Variants in TDRD5 observed in about 807,000 individuals in gnomAD.
TDRD5 encodes the protein tudor domain-containing protein 5.
Under a neutral mutation model 120.6 loss-of-function variants are expected in TDRD5, and 41 were observed. That is an observed-to-expected ratio of 0.34 (90% CI 0.26 to 0.44). The LOEUF is 0.44. TDRD5 is among the 20% of genes least tolerant of loss of function. The pLI, the probability that TDRD5 is intolerant of heterozygous loss-of-function variation, is 1.00. For missense variants in TDRD5, 1,006 were observed against 1,221.2 expected, an observed-to-expected ratio of 0.82 and a Z score of 2.63; for synonymous variants, 430 against 433.7, an observed-to-expected ratio of 0.99 and a Z score of 0.11.
chr1:179,669,994 T>C (rs755743947), intron 17 of TDRD5, among the ~76,000 whole-genome samples: 4 of 152,250 alleles, frequency 2.6e-5, no homozygotes, highest in Non-Finnish European at 4.4e-5. Flanking sequence ...TACCAGTTAA[T>C]GGACACCTAT....
intron 17 of TDRD5, among the ~76,000 whole-genome samples, chr1:179,682,463 C>T (rs1242126239): frequency 6.6e-6 from 1 of 152,080 alleles, no homozygotes; most frequent in African/African-American, 2.4e-5. Flanking sequence ...TTATTGTTTA[C>T]CTCCCACTTC....
chr1:179,663,882 A>AT (rs1449100245), intron 16 of TDRD5, among the ~76,000 whole-genome samples: 1 of 152,198 alleles, frequency 6.6e-6, no homozygotes, highest in Non-Finnish European at 1.5e-5. Context: ...TTTAAGCTCT[A>AT]TATTTGTCGC....
chr1:179,666,860 G>A (rs1055776707), intron 16 of TDRD5, among the ~76,000 whole-genome samples: 5 of 152,214 alleles, frequency 3.3e-5, no homozygotes, highest in Admixed American at 6.5e-5. Flanking sequence ...TAGTGGATGT[G>A]AAGTGATTTG....
At chr1:179,603,331 A>T (rs1032822806) in intron 4 of TDRD5, among the ~76,000 whole-genome samples, 3 of 152,142 alleles carry the variant, frequency 2.0e-5, no homozygotes, top group Admixed American at 6.5e-5. Flanking sequence ...AACAATGACA[A>T]TTTGACTTTC....
intron 17 of TDRD5, among the ~76,000 whole-genome samples, chr1:179,684,504 A>C (rs887008002): frequency 1.1e-4 from 17 of 152,162 alleles, no homozygotes; most frequent in African/African-American, 4.1e-4. Context: ...GCTGCAATAA[A>C]CATACATGTG....
chr1:179,596,006 A>G (rs1240730845), intron 4 of TDRD5, among the ~76,000 whole-genome samples, 188 bp downstream of exon 4: 2 of 152,154 alleles, frequency 1.3e-5, no homozygotes, highest in African/African-American at 4.8e-5. Flanking sequence ...AGAAGAGTAC[A>G]ATTTTATCAA....
At chr1:179,687,090 G>T (rs1680764076) in intron 17 of TDRD5, among the ~76,000 whole-genome samples, 1 of 152,086 alleles carries the variant, frequency 6.6e-6, no homozygotes, top group Non-Finnish European at 1.5e-5. Context: ...GCTAGCTTTT[G>T]AATGTGTTTG....
Position 179,663,436 on chromosome 1 carries a change from A to T in TDRD5, c.2594A>T (p.Lys865Met), listed in dbSNP as rs1679411369. Residue 865 changes from lysine (K) to methionine (M), a missense_variant, in exon 16 of 18, where the codon AAG becomes ATG. Lys to Met is a moderately conservative substitution (Grantham distance 95, BLOSUM62 -1). Around this residue, in one of 3 missense-constraint regions of TDRD5, gnomAD observed 403 missense variants for 448.1 expected, o/e 0.90. Coordinates refer to ENST00000444136, the MANE Select transcript of TDRD5 (RefSeq NM_001199085.3). ...LVNGTKVEVH[K>M]PEVLGAQEKN... ...AATGGAACGAAAGTAGAAGTTCATA[A>T]GCCAGAAGTACTGGGTGCTCAGGAA... is the stretch of plus-strand genomic sequence containing the variant. 6.2e-7 allele frequency: 1 copy of T among 1,613,876 alleles called. No individual in the cohort carries two copies. The highest frequency in any genetic ancestry group is 8.5e-7 in the Non-Finnish European group (1 of 1,179,898).
chr1:179,651,193 C>A, intron 12 of TDRD5, 126 bp downstream of exon 12: 2 of 1,064,700 alleles, frequency 1.9e-6, no homozygotes, highest in Non-Finnish European at 2.6e-6. Context: ...CCACGAGATT[C>A]CTGGCTTTTT....
intron 16 of TDRD5, 56 bp from the exon 17 acceptor site, chr1:179,669,138 A>T: frequency 1.4e-6 from 2 of 1,472,680 alleles, no homozygotes; most frequent in Non-Finnish European, 1.9e-6. Flanking sequence ...AATAGGGCTT[A>T]ATTATTCTTA....
chr1:179,686,104 C>A (rs1680698109), intron 17 of TDRD5, among the ~76,000 whole-genome samples: 1 of 152,196 alleles, frequency 6.6e-6, no homozygotes, highest in African/African-American at 2.4e-5. Context: ...TGAGAGAGGG[C>A]ATCCCTGTCT....
In TDRD5 at chr1:179,656,048, A is replaced by T. The variant is rs116822044; in HGVS notation, c.2322+1686A>T. Reference sequence around the variant, plus strand: ...TTCCAGAGTGGCTGTACCATTTTGAATTTTCACCAGCAATAATATATGAGT... The same window carrying T: ...TTCCAGAGTGGCTGTACCATTTTGATTTTTCACCAGCAATAATATATGAGT... On this transcript the variant is annotated intron_variant, in intron 14 of 17. Coordinates refer to ENST00000444136, the MANE Select transcript of TDRD5 (RefSeq NM_001199085.3). 2.2e-3 allele frequency among the ~76,000 whole-genome samples: 338 copies of T among 152,238 alleles called. 6 individuals carry two copies. Among genetic ancestry groups the T allele is most frequent in the African/African-American group, 7.7e-3 (319 of 41,548 alleles).
At chr1:179,680,215 A>G (rs1680348155) in intron 17 of TDRD5, among the ~76,000 whole-genome samples, 1 of 152,156 alleles carries the variant, frequency 6.6e-6, no homozygotes, top group African/African-American at 2.4e-5. Flanking sequence ...TTTATAGCCT[A>G]CAGTATGCTC....
chr1:179,663,297 G>A, intron 15 of TDRD5, 51 bp from the exon 16 acceptor site: 1 of 1,543,652 alleles, frequency 6.5e-7, no homozygotes. Context: ...TCCTCTTTTT[G>A]GGTCATGTTG....
chr1:179,620,940 C>A, intron 5 of TDRD5, 95 bp from the exon 6 acceptor site: 6 of 952,092 alleles, frequency 6.3e-6, no homozygotes, highest in East Asian at 3.1e-5. Flanking sequence ...AATAATGTTA[C>A]TTTTGCCTTT....
In TDRD5 at chr1:179,591,928, G is replaced by A. The variant is rs1189995363; in HGVS notation, c.-212G>A. The stretch of plus-strand genomic sequence containing the variant: ...CCCGCACCAGCAGCGCTGGCGTCAG[G>A]GCGCGGTGGGGGCAAGACGGGTGAC... On this transcript the variant is annotated 5_prime_UTR_variant, in exon 1 of 18. Coordinates refer to ENST00000444136, the MANE Select transcript of TDRD5 (RefSeq NM_001199085.3). The A allele has an allele frequency of 6.6e-6, 1 of 152,456 alleles. No individual in the cohort carries two copies. The highest frequency in any genetic ancestry group is 2.4e-5 in the African/African-American group (1 of 41,472). The allele number at this position is 152,456 out of a possible 1,614,324, so 9.4% of individuals were successfully genotyped here. A position where few individuals can be genotyped will look rare whatever the true frequency, so the allele number is the denominator to read the frequency against.
intron 11 of TDRD5, among the ~76,000 whole-genome samples, chr1:179,641,247 AAAG>A (rs1678028900): frequency 6.6e-6 from 1 of 152,132 alleles, no homozygotes; most frequent in African/African-American, 2.4e-5. Flanking sequence ...AAAATTTTGT[AAAG>A]AAGAAAGAAA....
intron 14 of TDRD5, among the ~76,000 whole-genome samples, chr1:179,654,883 T>A (rs1324394969): frequency 2.0e-5 from 3 of 152,226 alleles, no homozygotes. Context: ...TTAGTTAATA[T>A]CCTGTGACTT....
At chr1:179,599,837 A>T (rs1675607227) in intron 4 of TDRD5, among the ~76,000 whole-genome samples, 1 of 152,194 alleles carries the variant, frequency 6.6e-6, no homozygotes. Context: ...AATTCCTGCC[A>T]CCTGGTGGTG....
Sources: allele counts gnomAD v4.1 joint callset (sites outside exome capture counted in the v4.1 genomes callset), GRCh38; gene constraint gnomAD v4.1.1; regional missense constraint gnomAD v4.1.1; transcripts MANE v1.5; gene names NCBI Gene and HGNC (gene_info 2026-07-23, HGNC 2026-07-21).